MAP4K3: variants seen among roughly 807,000 people sequenced by gnomAD.
MAP4K3 encodes MAPK/ERK kinase kinase kinase 3.
MAP4K3 carries 94 observed loss-of-function variants against 143.5 expected under a neutral mutation model. The observed-to-expected ratio is 0.65, with a 90% confidence interval of 0.55 to 0.78. MAP4K3 has a LOEUF of 0.78. MAP4K3 is among the 30% of genes least tolerant of loss of function. The probability of loss-of-function intolerance (pLI) is 0.00; values close to 1 mark genes in which losing one functional copy is unlikely to be tolerated. For missense variants in MAP4K3, 1,077 were observed against 1,068.1 expected (o/e 1.01, Z -0.12); for synonymous variants, 416 against 347.2 (o/e 1.20, Z -2.20).
rs550788688 is a variant in MAP4K3, at chr2:39,394,643, G to A, written c.97-16520C>T. Reference sequence around the variant, plus strand: ...ACTCAGTCAGCCAAGTATCAAAACAGCATATTCACAAATAAGTTATAAAAG... The same window carrying A: ...ACTCAGTCAGCCAAGTATCAAAACAACATATTCACAAATAAGTTATAAAAG... On this transcript the variant is annotated intron_variant, in intron 1 of 33. Transcript: ENST00000263881. Among the ~76,000 whole-genome samples, 4 of 152,228 alleles carry A rather than the reference G, an allele frequency of 2.6e-5. No individual in the cohort carries two copies. In the South Asian group the frequency reaches 6.2e-4, roughly 24 times the overall value.
At chr2:39,377,727 T>C (rs565001651) in intron 2 of MAP4K3, among the ~76,000 whole-genome samples, 1 of 152,234 alleles carries the variant, frequency 6.6e-6, no homozygotes, top group Non-Finnish European at 1.5e-5. Flanking sequence ...TTCAGTTCTG[T>C]TTTTTCCACT....
intron 31 of MAP4K3, among the ~76,000 whole-genome samples, chr2:39,257,597 G>C (rs923395445): frequency 8.6e-5 from 13 of 151,836 alleles, no homozygotes; most frequent in African/African-American, 3.1e-4. Context: ...TCAAGAGTTC[G>C]AGACCAGCCT....
At chr2:39,396,549 T>C (rs1167999231) in intron 1 of MAP4K3, among the ~76,000 whole-genome samples, 3 of 151,300 alleles carry the variant, frequency 2.0e-5, no homozygotes, top group Non-Finnish European at 4.4e-5. Flanking sequence ...GCTTGGCTCA[T>C]TGCAAGCTCC....
At chr2:39,410,324 C>T (rs1341349713) in intron 1 of MAP4K3, among the ~76,000 whole-genome samples, 1 of 152,154 alleles carries the variant, frequency 6.6e-6, no homozygotes, top group African/African-American at 2.4e-5. Context: ...CCTGTATTCA[C>T]GCAACATCCT....
At chr2:39,363,136 A>G (rs1485485359) in intron 2 of MAP4K3, among the ~76,000 whole-genome samples, 2 of 152,242 alleles carry the variant, frequency 1.3e-5, no homozygotes, top group African/African-American at 2.4e-5. Flanking sequence ...CAAAACATTC[A>G]TAATATTAGT....
intron 15 of MAP4K3, among the ~76,000 whole-genome samples, chr2:39,301,355 A>G (rs1682502689): frequency 6.6e-6 from 1 of 152,258 alleles, no homozygotes; most frequent in African/African-American, 2.4e-5. Flanking sequence ...ATATATCTTA[A>G]TAAGATAAAA....
At chr2:39,330,303 A>G (rs890797303) in intron 8 of MAP4K3, among the ~76,000 whole-genome samples, 1 of 152,220 alleles carries the variant, frequency 6.6e-6, no homozygotes, top group Non-Finnish European at 1.5e-5. Flanking sequence ...ATGGTATCAC[A>G]CCATGGGCAC....
At position 39,278,388 on chromosome 2, in the gene MAP4K3, A is replaced by G. The variant is rs1681366782; in HGVS notation, c.1794+19T>C. ...TAACTTAAAAATTAAAAAAAAAAAGAATATACAAAATAACATACCTGTTCC... is the reference window on the plus strand; with the variant it reads ...TAACTTAAAAATTAAAAAAAAAAAGGATATACAAAATAACATACCTGTTCC... On this transcript the variant is annotated intron_variant, in intron 24 of 33. Coordinates refer to ENST00000263881, the MANE Select transcript of MAP4K3 (RefSeq NM_003618.4). The G allele has an allele frequency of 6.9e-7, 1 of 1,440,018 alleles. No individual in the cohort carries two copies. The highest frequency in any genetic ancestry group is 9.5e-7 in the Non-Finnish European group (1 of 1,051,774). The allele number at this position is 1,440,018 out of a possible 1,614,324, so 89.2% of individuals were successfully genotyped here.
At chr2:39,254,672 T>G (rs543010382) in intron 31 of MAP4K3, 152 bp from the exon 32 acceptor site, 1 of 574,666 alleles carries the variant, frequency 1.7e-6, no homozygotes. Flanking sequence ...TTTGAAAAGT[T>G]TAAAAATATA....
intron 19 of MAP4K3, among the ~76,000 whole-genome samples, chr2:39,288,517 C>A (rs1047415892): frequency 3.3e-5 from 5 of 152,018 alleles, no homozygotes; most frequent in Admixed American, 2.6e-4. Flanking sequence ...AATAAAAGGG[C>A]CTCTAAGTCG....
intron 32 of MAP4K3, among the ~76,000 whole-genome samples, chr2:39,252,162 A>C (rs907358625): frequency 6.6e-6 from 1 of 152,218 alleles, no homozygotes; most frequent in Admixed American, 6.5e-5. Flanking sequence ...CAAAGCACTA[A>C]ATCCATTTTA....
chr2:39,343,496 A>T (rs747025242), intron 3 of MAP4K3, 44 bp from the exon 4 acceptor site: 1 of 1,517,374 alleles, frequency 6.6e-7, no homozygotes, highest in Non-Finnish European at 9.1e-7. Context: ...CATGATTAAA[A>T]CTGTCTGTGT....
intron 31 of MAP4K3, among the ~76,000 whole-genome samples, chr2:39,256,641 A>T (rs941925057): frequency 6.6e-6 from 1 of 152,154 alleles, no homozygotes; most frequent in Non-Finnish European, 1.5e-5. Context: ...TTTTATTTAG[A>T]TTTTTAAAAA....
chr2:39,369,313 A>G (rs1666017607), intron 2 of MAP4K3, among the ~76,000 whole-genome samples: 1 of 148,196 alleles, frequency 6.7e-6, no homozygotes. Flanking sequence ...CTCCTGCCTC[A>G]GCCTCTCAAG....
intron 7 of MAP4K3, among the ~76,000 whole-genome samples, chr2:39,332,749 T>A (rs1032914178): frequency 2.6e-5 from 4 of 152,044 alleles, no homozygotes; most frequent in African/African-American, 9.7e-5. Flanking sequence ...TTTTCCCATA[T>A]TTAGAAGTCA....
At chr2:39,384,184 A>G (rs1488492211) in intron 1 of MAP4K3, among the ~76,000 whole-genome samples, 4 of 152,204 alleles carry the variant, frequency 2.6e-5, no homozygotes, top group Non-Finnish European at 5.9e-5. Context: ...CAAAGCCTGA[A>G]GTATTACTAT....
At chr2:39,278,385 A>G in intron 24 of MAP4K3, 22 bp downstream of exon 24, 1 of 1,437,824 alleles carries the variant, frequency 7.0e-7, no homozygotes, top group Non-Finnish European at 9.5e-7. Flanking sequence ...TAAAAAAAAA[A>G]AGAATATACA....
chr2:39,267,093 A>G, intron 27 of MAP4K3, 96 bp downstream of exon 27: 1 of 1,167,424 alleles, frequency 8.6e-7, no homozygotes, highest in Non-Finnish European at 1.3e-6. Context: ...AGGAAAAATA[A>G]AGTATTGCTG....
chr2:39,337,758 T>TG (rs1198958067), intron 4 of MAP4K3, among the ~76,000 whole-genome samples, 177 bp from the exon 5 acceptor site: 3 of 128,832 alleles, frequency 2.3e-5, no homozygotes, highest in South Asian at 2.9e-4. Flanking sequence ...TCCAGTTTTT[T>TG]TTTTTTTTTT....
Sources: gnomAD v4.1 joint callset for allele counts (sites outside exome capture counted in the v4.1 genomes callset) on GRCh38, gnomAD v4.1.1 for gene constraint, MANE v1.5 for transcripts, NCBI Gene and HGNC (gene_info 2026-07-23, HGNC 2026-07-21) for gene names.